Variants in DNAJC15 observed in about 807,000 individuals in gnomAD.
The protein encoded by DNAJC15 is dnaJ homolog subfamily C member 15.
Under a neutral mutation model 22.4 loss-of-function variants are expected in DNAJC15, and 27 were observed. That is an observed-to-expected ratio of 1.20 (90% CI 0.89 to 1.66). The LOEUF is 1.66. Among genes scored for constraint, DNAJC15 ranks in the 40% most tolerant of loss-of-function variants. DNAJC15 has a pLI of 0.00. For missense variants in DNAJC15, 208 were observed against 187.1 expected, an observed-to-expected ratio of 1.11 and a Z score of -0.65; for synonymous variants, 79 against 63.2, an observed-to-expected ratio of 1.25 and a Z score of -1.19.
intron 5 of DNAJC15, among the ~76,000 whole-genome samples, chr13:43,101,574 T>C (rs1205282069): frequency 1.3e-5 from 2 of 152,180 alleles, no homozygotes; most frequent in Non-Finnish European, 2.9e-5. Flanking sequence ...CCCTTTTCTT[T>C]CTTCCCCCTA....
chr13:43,104,805 C>T (rs1279712480), intron 5 of DNAJC15, among the ~76,000 whole-genome samples: 1 of 150,838 alleles, frequency 6.6e-6, no homozygotes, highest in Non-Finnish European at 1.5e-5. Context: ...TCCTCCACCT[C>T]AGCCTCTCCA....
At chr13:43,076,202 A>G (rs1033317119) in intron 3 of DNAJC15, among the ~76,000 whole-genome samples, 1 of 152,208 alleles carries the variant, frequency 6.6e-6, no homozygotes, top group Non-Finnish European at 1.5e-5. Flanking sequence ...TTCTCACAGT[A>G]TTGATTCATT....
chr13:43,078,318 G>A (rs2040645267), intron 3 of DNAJC15, among the ~76,000 whole-genome samples: 1 of 152,094 alleles, frequency 6.6e-6, no homozygotes, highest in African/African-American at 2.4e-5. Context: ...GTACTACAGA[G>A]CTTAGAAAAA....
intron 5 of DNAJC15, among the ~76,000 whole-genome samples, chr13:43,092,802 T>G (rs1475089704): frequency 6.6e-6 from 1 of 152,204 alleles, no homozygotes. Context: ...TTGTTCCAGC[T>G]ACTTGTGAAG....
Position 43,109,559 on chromosome 13 carries a change from T to A in DNAJC15, c.*2311T>A, listed in dbSNP as rs1473439821. On this transcript the variant is annotated 3_prime_UTR_variant, in exon 6 of 6. Coordinates refer to ENST00000379221, the MANE Select transcript of DNAJC15 (RefSeq NM_013238.3). Reference sequence around the variant, plus strand: ...CCCCAGCATTAGCTTGGAATTTCCTTATTTCCCATTTGCTTTGCAGGTGCC... The same window carrying A: ...CCCCAGCATTAGCTTGGAATTTCCTAATTTCCCATTTGCTTTGCAGGTGCC... 6.6e-6 allele frequency: 1 copy of A among 152,240 alleles called. No individual in the cohort carries two copies. The highest frequency in any genetic ancestry group is 1.5e-5 in the Non-Finnish European group (1 of 68,040). 9.4% of individuals were successfully genotyped at this position (152,240 alleles called of 1,614,324 possible).
intron 1 of DNAJC15, among the ~76,000 whole-genome samples, chr13:43,030,952 CTG>C (rs1370093462): frequency 5.3e-5 from 8 of 152,252 alleles, no homozygotes; most frequent in East Asian, 1.9e-4. Flanking sequence ...TCAGAGAAAA[CTG>C]TGAAAAGTGA....
intron 3 of DNAJC15, among the ~76,000 whole-genome samples, chr13:43,071,563 T>A (rs2040609326): frequency 1.3e-5 from 2 of 152,226 alleles, no homozygotes; most frequent in Admixed American, 1.3e-4. Context: ...AACTGAGAAA[T>A]GAAATATGTG....
Position 43,072,940 on chromosome 13 carries a change from G to A in DNAJC15, c.234+3937G>A, listed in dbSNP as rs190924080. 1.3e-3 allele frequency among the ~76,000 whole-genome samples: 194 copies of A among 152,122 alleles called. 1 individual carries two copies. The highest frequency in any genetic ancestry group is 4.4e-3 in the African/African-American group (183 of 41,488). On this transcript the variant is annotated intron_variant, in intron 3 of 5. Coordinates refer to ENST00000379221, the MANE Select transcript of DNAJC15 (RefSeq NM_013238.3). ...GGCAACCCATTTTTTAATTAATGTG[G>A]TATCCTTTTGAATATTTCTAAAGCC...
intron 2 of DNAJC15, 55 bp from the exon 3 acceptor site, chr13:43,068,875 T>A (rs188210172): frequency 1.3e-4 from 193 of 1,458,302 alleles, no homozygotes; most frequent in Admixed American, 6.5e-4. Flanking sequence ...TTTGAAGGTG[T>A]TGATTGATTT....
intron 5 of DNAJC15, among the ~76,000 whole-genome samples, chr13:43,090,574 A>G (rs540160693): frequency 6.6e-6 from 1 of 152,282 alleles, no homozygotes; most frequent in East Asian, 1.9e-4. Flanking sequence ...CTATTCATGA[A>G]AAAAACTAAC....
chr13:43,059,160 T>C (rs558820519), intron 1 of DNAJC15, among the ~76,000 whole-genome samples: 34 of 142,744 alleles, frequency 2.4e-4, no homozygotes, highest in Non-Finnish European at 1.5e-4. Context: ...TTTTTTCTTT[T>C]TGTTGTTTTT....
intron 3 of DNAJC15, 131 bp from the exon 4 acceptor site, chr13:43,078,481 C>A: frequency 1.8e-6 from 1 of 564,770 alleles, no homozygotes; most frequent in Non-Finnish European, 3.0e-6. Context: ...TTTGGTGCTT[C>A]CCCCCGCCCC....
At chr13:43,040,225 C>T (rs576997385) in intron 1 of DNAJC15, among the ~76,000 whole-genome samples, 2 of 152,296 alleles carry the variant, frequency 1.3e-5, no homozygotes, top group East Asian at 1.9e-4. Flanking sequence ...ATGTGCCAGC[C>T]ATCAAGACCC....
In DNAJC15 at chr13:43,109,723, A is replaced by AG. The variant is rs1163062268; in HGVS notation, c.*2481dup. On this transcript the variant is annotated 3_prime_UTR_variant, in exon 6 of 6. Transcript: ENST00000379221. Reference sequence around the variant, plus strand: ...CCGGGGCCTGTTGTGGGGCGGGGAGAGGGGGGAGGGATCGCATTTGGAGAT... The same window carrying AG: ...CCGGGGCCTGTTGTGGGGCGGGGAGAGGGGGGGAGGGATCGCATTTGGAGAT... 1 of 150,648 alleles carries AG rather than the reference A, an allele frequency of 6.6e-6. No individual in the cohort carries two copies. The highest frequency in any genetic ancestry group is 1.5e-5 in the Non-Finnish European group (1 of 67,646). 9.3% of individuals were successfully genotyped at this position (150,648 alleles called of 1,614,324 possible). A position where few individuals can be genotyped will look rare whatever the true frequency, so the allele number is the denominator to read the frequency against.
At chr13:43,103,672 T>TA (rs1256656498) in intron 5 of DNAJC15, among the ~76,000 whole-genome samples, 6 of 152,244 alleles carry the variant, frequency 3.9e-5, no homozygotes, top group Admixed American at 3.9e-4. Context: ...TTGTTGATGT[T>TA]ATTTAACTTC....
At chr13:43,079,086 A>G (rs2040649521) in intron 4 of DNAJC15, among the ~76,000 whole-genome samples, 1 of 152,174 alleles carries the variant, frequency 6.6e-6, no homozygotes, top group Non-Finnish European at 1.5e-5. Flanking sequence ...GACATCAAGC[A>G]TATTTATTGT....
chr13:43,099,228 A>T (rs1367496167), intron 5 of DNAJC15, among the ~76,000 whole-genome samples: 2 of 152,202 alleles, frequency 1.3e-5, no homozygotes, highest in Non-Finnish European at 2.9e-5. Context: ...TAAGTTGTAT[A>T]TTGATCTTTT....
chr13:43,097,196 T>C (rs1032007663), intron 5 of DNAJC15, among the ~76,000 whole-genome samples: 1 of 152,184 alleles, frequency 6.6e-6, no homozygotes, highest in Non-Finnish European at 1.5e-5. Flanking sequence ...ATAGCCTTCT[T>C]AGAAATTCTC....
chr13:43,059,326 A>C (rs2040546133), intron 1 of DNAJC15, among the ~76,000 whole-genome samples: 1 of 152,208 alleles, frequency 6.6e-6, no homozygotes, highest in Admixed American at 6.5e-5. Context: ...TAGGAGTTGA[A>C]GATTGAATGA....
Sources: gnomAD v4.1 joint callset for allele counts (sites outside exome capture counted in the v4.1 genomes callset) on GRCh38, gnomAD v4.1.1 for gene constraint, MANE v1.5 for transcripts, NCBI Gene and HGNC (gene_info 2026-07-23, HGNC 2026-07-21) for gene names.